The following NFATC2 variants were observed in gnomAD, a reference collection of about 807,000 sequenced individuals.
NFATC2 encodes nuclear factor of activated T-cells, cytoplasmic 2.
In NFATC2, 22 loss-of-function variants were observed where a neutral mutation model predicts 87.3. That is an observed-to-expected ratio of 0.25 (90% CI 0.18 to 0.36). The LOEUF (loss-of-function observed/expected upper bound fraction) is 0.36, where lower values mean the gene tolerates loss of function less well. Among genes scored for constraint, NFATC2 ranks in the 10% least tolerant of loss-of-function variants. The pLI, the probability that NFATC2 is intolerant of heterozygous loss-of-function variation, is 1.00. For synonymous variants in NFATC2, 565 were observed against 542.2 expected, an observed-to-expected ratio of 1.04 and a Z score of -0.58; for missense variants, 1,149 against 1,259.1, an observed-to-expected ratio of 0.91 and a Z score of 1.32.
At chr20:51,520,961 A>G (rs1410635665) in intron 2 of NFATC2, among the ~76,000 whole-genome samples, 4 of 152,062 alleles carry the variant, frequency 2.6e-5, no homozygotes, top group Non-Finnish European at 1.5e-5. Flanking sequence ...GCCTGGCAGC[A>G]TTTTCTAAGA....
At chr20:51,479,532 A>T (rs181467530) in intron 3 of NFATC2, among the ~76,000 whole-genome samples, 80 of 152,300 alleles carry the variant, frequency 5.3e-4, no homozygotes, top group African/African-American at 1.9e-3. Flanking sequence ...AAGCGAGAGG[A>T]TCAGTTGAGT....
intron 8 of NFATC2, 150 bp downstream of exon 8, chr20:51,435,038 A>C: frequency 1.1e-6 from 1 of 949,878 alleles, no homozygotes; most frequent in South Asian, 1.6e-5. Flanking sequence ...CTTATAAGGA[A>C]GATGCTGTCT....
chr20:51,556,972 G>A (rs557300407), intron 1 of NFATC2, among the ~76,000 whole-genome samples: 4 of 152,248 alleles, frequency 2.6e-5, no homozygotes, highest in South Asian at 2.1e-4. Context: ...ACTTCGTGGC[G>A]GGCTGGCTCC....
At chr20:51,392,155 GTTCT>G (rs1356384089) in intron 10 of NFATC2, among the ~76,000 whole-genome samples, 7 of 152,132 alleles carry the variant, frequency 4.6e-5, no homozygotes, top group Non-Finnish European at 1.0e-4. Flanking sequence ...ATAAAACATG[GTTCT>G]TTCTTGATCC....
chr20:51,413,138 C>T (rs1979531941), intron 9 of NFATC2, among the ~76,000 whole-genome samples: 1 of 151,850 alleles, frequency 6.6e-6, no homozygotes, highest in Admixed American at 6.6e-5. Flanking sequence ...TGCTGGGCAG[C>T]ACTGCTGGCT....
chr20:51,391,438 G>C lies in NFATC2; in HGVS notation c.*58C>G. 1.3e-6 allele frequency: 1 copy of C among 774,214 alleles called. No individual in the cohort carries two copies. The highest frequency in any genetic ancestry group is 2.1e-6 in the Non-Finnish European group (1 of 480,946). 48.0% of individuals were successfully genotyped at this position (774,214 alleles called of 1,614,324 possible). On this transcript the variant is annotated 3_prime_UTR_variant, in exon 11 of 11. Transcript: ENST00000371564. ...CAGGAGGTCCTGAAAACTCCTTCCT[G>C]ATAATTTCATTAACTACAAAAGAAA...
intron 10 of NFATC2, among the ~76,000 whole-genome samples, chr20:51,396,039 TATATATA>T: frequency 1.9e-3 from 1 of 522 alleles, no homozygotes; most frequent in East Asian, 0.083. Context: ...TCCTAGTATG[TATATATA>T]TATATATATA....
At chr20:51,522,297 G>A (rs1415660183) in intron 2 of NFATC2, among the ~76,000 whole-genome samples, 1 of 137,356 alleles carries the variant, frequency 7.3e-6, no homozygotes, top group African/African-American at 2.6e-5. Context: ...GGGGGTCGGG[G>A]AGGGGGAAGC....
At chr20:51,472,032 C>T (rs1279621747) in intron 5 of NFATC2, among the ~76,000 whole-genome samples, 3 of 152,128 alleles carry the variant, frequency 2.0e-5, no homozygotes, top group Non-Finnish European at 4.4e-5. Flanking sequence ...GTGGGTGGAT[C>T]ATCTGAGGTC....
chr20:51,414,281 G>A (rs537650235), intron 9 of NFATC2, among the ~76,000 whole-genome samples: 1 of 151,954 alleles, frequency 6.6e-6, no homozygotes, highest in South Asian at 2.1e-4. Flanking sequence ...TAAATAAATG[G>A]AAACACCTGA....
chr20:51,483,917 T>C (rs954298152), intron 3 of NFATC2, among the ~76,000 whole-genome samples: 45 of 151,862 alleles, frequency 3.0e-4, no homozygotes, highest in African/African-American at 1.1e-3. Context: ...ACACACAGTC[T>C]TCTTCACATA....
chr20:51,496,442 C>A (rs141408620), intron 3 of NFATC2, among the ~76,000 whole-genome samples: 11 of 152,010 alleles, frequency 7.2e-5, no homozygotes, highest in South Asian at 2.1e-4. Flanking sequence ...CCCCGCCCCC[C>A]ACTCAAATGT....
chr20:51,436,620 C>CT (rs1983614693), intron 6 of NFATC2, among the ~76,000 whole-genome samples: 1 of 152,062 alleles, frequency 6.6e-6, no homozygotes, highest in African/African-American at 2.4e-5. Flanking sequence ...GAGGCTGAGG[C>CT]ATGAGAATTG....
chr20:51,459,113 G>A (rs960623968), intron 5 of NFATC2, among the ~76,000 whole-genome samples: 3 of 152,148 alleles, frequency 2.0e-5, no homozygotes, highest in Non-Finnish European at 2.9e-5. Context: ...CTATATGGAC[G>A]CAGTCAGTAC....
rs376666057 is a variant in NFATC2, at chr20:51,514,699, C to G, written c.1332+2085G>C. On this transcript the variant is annotated intron_variant, in intron 3 of 10. Transcript: ENST00000371564. ...ACCAGCCAGACCAATATAGTGAAAC[C>G]CTGTCTCTACTAAAAATACAAAAAT... Among the ~76,000 whole-genome samples, 15 of 152,112 alleles carry G rather than the reference C, an allele frequency of 9.9e-5. No individual in the cohort carries two copies. In the East Asian group the frequency reaches 1.5e-3, roughly 16 times the overall value.
chr20:51,435,618 G>A, intron 7 of NFATC2, 88 bp downstream of exon 7: 1 of 1,412,572 alleles, frequency 7.1e-7, no homozygotes, highest in South Asian at 1.2e-5. Flanking sequence ...GGGGGACACT[G>A]ATGAAGGAAG....
At chr20:51,486,960 T>C (rs975058041) in intron 3 of NFATC2, among the ~76,000 whole-genome samples, 35 of 152,090 alleles carry the variant, frequency 2.3e-4, no homozygotes, top group Middle Eastern at 3.4e-3. Context: ...AATCTTGAGA[T>C]TGAATTGAAA....
rs1395868697 is a variant in NFATC2 at position 51,388,203 on chromosome 20, A to G, written c.*3293T>C. ...ACATGAATTCTTTTCGAATTCCATTACAATGCAGGCAGGGTTTTGGTGTCA... is the reference window on the plus strand; with the variant it reads ...ACATGAATTCTTTTCGAATTCCATTGCAATGCAGGCAGGGTTTTGGTGTCA... On this transcript the variant is annotated 3_prime_UTR_variant, in exon 11 of 11. Transcript: ENST00000371564. The G allele has an allele frequency of 2.0e-5, 3 of 152,234 alleles. No homozygotes were observed. Among genetic ancestry groups the G allele is most frequent in the Admixed American group, 2.0e-4 (3 of 15,284 alleles). The allele number at this position is 152,234 out of a possible 1,614,324, so 9.4% of individuals were successfully genotyped here. A position where few individuals can be genotyped will look rare whatever the true frequency, so the allele number is the denominator to read the frequency against.
At chr20:51,452,482 C>T (rs1046185924) in intron 6 of NFATC2, among the ~76,000 whole-genome samples, 5 of 152,360 alleles carry the variant, frequency 3.3e-5, no homozygotes, top group Non-Finnish European at 5.9e-5. Context: ...ATGACAACAT[C>T]TGCAGCCAGG....
Sources: allele counts gnomAD v4.1 joint callset (sites outside exome capture counted in the v4.1 genomes callset), GRCh38; gene constraint gnomAD v4.1.1; transcripts MANE v1.5; gene names NCBI Gene and HGNC (gene_info 2026-07-23, HGNC 2026-07-21).